Variants in ME2 observed in about 807,000 individuals in gnomAD.
The protein encoded by ME2 is malic enzyme 2.
ME2 carries 60 observed loss-of-function variants against 73.7 expected under a neutral mutation model. The observed-to-expected ratio is 0.81, with a 90% CI of 0.66 to 1.01. ME2 has a LOEUF of 1.01. Ranked by LOEUF, ME2 falls within the 50% of genes least tolerant of loss-of-function variation. The probability of loss-of-function intolerance (pLI) is 0.00; values close to 1 mark genes in which losing one functional copy is unlikely to be tolerated. For missense variants in ME2, 594 were observed against 705.5 expected (o/e 0.84, Z 1.79); for synonymous variants, 199 against 236.9 (o/e 0.84, Z 1.47).
chr18:50,913,860 T>TACACAC lies in ME2; in HGVS notation c.392+936_392+941dup, dbSNP rs1555677139. 9.5e-3 allele frequency among the ~76,000 whole-genome samples: 1,362 copies of TACACAC among 143,274 alleles called. 14 individuals carry two copies. The highest frequency in any genetic ancestry group is 0.067 in the East Asian group (325 of 4,874). The allele number at this position is 143,274 out of a possible 152,430, so 94.0% of individuals were successfully genotyped here. ...CTTTGGAAAATTATCAGCAATATTA[T>TACACAC]ACACACACACACACACACACACACA... On this transcript the variant is annotated intron_variant, in intron 4 of 15. Coordinates refer to ENST00000321341, the MANE Select transcript of ME2 (RefSeq NM_002396.5).
intron 1 of ME2, among the ~76,000 whole-genome samples, chr18:50,888,753 T>C (rs902199132): frequency 9.9e-5 from 15 of 152,202 alleles, no homozygotes; most frequent in Non-Finnish European, 1.9e-4. Context: ...ATAAAGGGTA[T>C]CAGGGTCATA....
chr18:50,905,986 A>C (rs1317153204), intron 2 of ME2, among the ~76,000 whole-genome samples: 1 of 152,094 alleles, frequency 6.6e-6, no homozygotes, highest in Non-Finnish European at 1.5e-5. Context: ...GAGACCTTAG[A>C]ATTTTATTTT....
At chr18:50,919,629 T>A (rs561940527) in intron 7 of ME2, among the ~76,000 whole-genome samples, 4 of 152,246 alleles carry the variant, frequency 2.6e-5, no homozygotes, top group South Asian at 4.1e-4. Context: ...TCAGATCTCT[T>A]GTCTTCGTAT....
At chr18:50,926,504 A>G (rs185117521) in intron 12 of ME2, among the ~76,000 whole-genome samples, 35 of 152,266 alleles carry the variant, frequency 2.3e-4, no homozygotes, top group African/African-American at 8.2e-4. Context: ...TTTATTCCAC[A>G]TGGGGATTAT....
chr18:50,922,848 C>T (rs180894753), intron 10 of ME2, among the ~76,000 whole-genome samples: 6 of 152,212 alleles, frequency 3.9e-5, no homozygotes, highest in South Asian at 2.1e-4. Flanking sequence ...TTTTCTCAGC[C>T]GATTGATGAT....
intron 14 of ME2, 95 bp downstream of exon 14, chr18:50,939,735 G>T: frequency 1.3e-6 from 1 of 763,488 alleles, no homozygotes; most frequent in African/African-American, 1.8e-5. Context: ...GGTTAAATCT[G>T]CCTTATTAAT....
chr18:50,904,813 G>A (rs1174176294), intron 2 of ME2, among the ~76,000 whole-genome samples: 3 of 97,386 alleles, frequency 3.1e-5, no homozygotes, highest in African/African-American at 1.2e-4. Flanking sequence ...TCTCTTTTGA[G>A]TTTATAATAC....
At position 50,917,511 on chromosome 18, in the gene ME2, G is replaced by A; in HGVS notation, c.630+3G>A. The stretch of plus-strand genomic sequence containing the variant: ...TTGATGTGGGAACTGATAATATCGT[G>A]AGTAACATCATTTTCCCCCTTTATC... On this transcript the variant is annotated splice_donor_region_variant and intron_variant, in intron 6 of 15. Coordinates refer to ENST00000321341, the MANE Select transcript of ME2 (RefSeq NM_002396.5). 6.4e-7 allele frequency: 1 copy of A among 1,558,294 alleles called. No individual in the cohort carries two copies. The highest frequency in any genetic ancestry group is 8.7e-7 in the Non-Finnish European group (1 of 1,143,920).
intron 10 of ME2, among the ~76,000 whole-genome samples, chr18:50,923,586 C>A (rs1357927578): frequency 6.6e-6 from 1 of 151,970 alleles, no homozygotes; most frequent in Non-Finnish European, 1.5e-5. Flanking sequence ...TGGCAAAACC[C>A]CATCTCTACA....
intron 10 of ME2, among the ~76,000 whole-genome samples, chr18:50,922,954 A>G (rs1917464419): frequency 6.6e-6 from 1 of 152,114 alleles, no homozygotes; most frequent in Non-Finnish European, 1.5e-5. Flanking sequence ...TTTTTTACCA[A>G]AATAAGAATA....
At chr18:50,880,735 C>A (rs528256522) in intron 1 of ME2, among the ~76,000 whole-genome samples, 1 of 152,234 alleles carries the variant, frequency 6.6e-6, no homozygotes, top group Admixed American at 6.5e-5. Flanking sequence ...TGACTTTTAT[C>A]ATGCATTAAT....
In ME2 at chr18:50,948,726, T is replaced by C. The variant is rs997999239; in HGVS notation, c.*1542T>C. On this transcript the variant is annotated 3_prime_UTR_variant, in exon 16 of 16. Coordinates refer to ENST00000321341, the MANE Select transcript of ME2 (RefSeq NM_002396.5). The stretch of plus-strand genomic sequence containing the variant: ...GCCCAGCTAATTTTTGTATTTTTAG[T>C]AGAGACGGGATTTCACCATGTTGGC... 1 of 151,830 alleles carries C rather than the reference T, an allele frequency of 6.6e-6. No homozygotes were observed. Among genetic ancestry groups the C allele is most frequent in the Non-Finnish European group, 1.5e-5 (1 of 68,062 alleles). 9.4% of individuals were successfully genotyped at this position (151,830 alleles called of 1,614,324 possible). A position where few individuals can be genotyped will look rare whatever the true frequency, so the allele number is the denominator to read the frequency against.
chr18:50,899,622 G>A (rs1916839543), intron 2 of ME2, among the ~76,000 whole-genome samples: 1 of 152,074 alleles, frequency 6.6e-6, no homozygotes, highest in Non-Finnish European at 1.5e-5. Flanking sequence ...AAAAAAAATT[G>A]TCTTCCATGA....
intron 1 of ME2, among the ~76,000 whole-genome samples, chr18:50,887,805 A>T (rs1465377626): frequency 1.3e-5 from 2 of 152,244 alleles, no homozygotes; most frequent in Non-Finnish European, 2.9e-5. Flanking sequence ...GTGAGCTTAT[A>T]GACAAAAATT....
chr18:50,939,329 C>T, intron 13 of ME2: 1 of 400,496 alleles, frequency 2.5e-6, no homozygotes. Context: ...TTGTCATTTT[C>T]ATAAATGTAA....
chr18:50,896,266 C>T (rs1916742641), intron 2 of ME2, among the ~76,000 whole-genome samples: 1 of 152,196 alleles, frequency 6.6e-6, no homozygotes, highest in South Asian at 2.1e-4. Context: ...ATATCAGGTA[C>T]TCACCCTGAG....
chr18:50,922,167 G>A (rs948440340), intron 10 of ME2, among the ~76,000 whole-genome samples: 2 of 152,200 alleles, frequency 1.3e-5, no homozygotes, highest in Non-Finnish European at 1.5e-5. Flanking sequence ...AAAAGTTAAA[G>A]TATGTGAATG....
At chr18:50,914,743 G>T (rs1639568429) in intron 4 of ME2, among the ~76,000 whole-genome samples, 1 of 152,150 alleles carries the variant, frequency 6.6e-6, no homozygotes, top group Non-Finnish European at 1.5e-5. Flanking sequence ...CCAAATTTAA[G>T]ATACCAATGA....
In ME2 at chr18:50,916,275, G is replaced by GT; in HGVS notation, c.468+36dup. Reference sequence around the variant, plus strand: ...ATAGCACAACCCTCCTTTTCACAATGTTTTCTCTTTTCTTGTAAATTACCT... The same window carrying GT: ...ATAGCACAACCCTCCTTTTCACAATGTTTTTCTCTTTTCTTGTAAATTACCT... On this transcript the variant is annotated intron_variant, in intron 5 of 15. Transcript: ENST00000321341. The GT allele has an allele frequency of 1.3e-5, 20 of 1,506,010 alleles. 1 individual carries two copies. In the Middle Eastern group the frequency reaches 3.5e-3, roughly 262 times the overall value. 93.3% of individuals were successfully genotyped at this position (1,506,010 alleles called of 1,614,324 possible).
Sources: allele counts gnomAD v4.1 joint callset (sites outside exome capture counted in the v4.1 genomes callset), GRCh38; gene constraint gnomAD v4.1.1; transcripts MANE v1.5; gene names NCBI Gene and HGNC (gene_info 2026-07-23, HGNC 2026-07-21).